Variants in MVP observed in about 807,000 individuals in gnomAD.
The protein encoded by MVP is major vault protein, also known as lung resistance-related protein.
MVP carries 62 observed loss-of-function variants against 83.5 expected under a neutral mutation model. That is an observed-to-expected ratio of 0.74 (90% CI 0.61 to 0.92). MVP has a LOEUF of 0.92. Ranked by LOEUF, MVP falls within the 40% of genes least tolerant of loss-of-function variation. The probability of loss-of-function intolerance (pLI) is 0.00; values close to 1 mark genes in which losing one functional copy is unlikely to be tolerated. For synonymous variants in MVP, 505 were observed against 504.1 expected (o/e 1.00, Z -0.02); for missense variants, 1,000 against 1,203.4 (o/e 0.83, Z 2.50).
chr16:29,831,745 C>T, intron 3 of MVP: 1 of 455,880 alleles, frequency 2.2e-6, no homozygotes, highest in Non-Finnish European at 4.4e-6. Flanking sequence ...GTGGGCAGTG[C>T]CAAAGCAGCA....
Position 29,840,239 on chromosome 16 carries a change from A to T in MVP, c.971A>T (p.Tyr324Phe), listed in dbSNP as rs1260791203. ...EQLEQGIQDV[Y>F]VLSEQQGLLL... The stretch of plus-strand genomic sequence containing the variant: ...CTGGAACAAGGCATCCAGGATGTGT[A>T]TGTGCTGTCGGAGCAGCAGGGGCTG... The change falls in exon 8 of 15, where the codon TAT (tyrosine) becomes TTT (phenylalanine). Residue 324 changes from tyrosine to phenylalanine, a missense_variant. Coordinates refer to ENST00000357402, the MANE Select transcript of MVP (RefSeq NM_005115.5). The T allele has an allele frequency of 6.2e-7, 1 of 1,613,996 alleles. No individual in the cohort carries two copies. Among genetic ancestry groups the T allele is most frequent in the Non-Finnish European group, 8.5e-7 (1 of 1,179,962 alleles).
intron 3 of MVP, chr16:29,833,473 T>G: frequency 4.1e-6 from 1 of 243,000 alleles, no homozygotes; most frequent in Admixed American, 5.2e-5. Flanking sequence ...CTACACTTTT[T>G]TTTTTTTTTT....
Position 29,830,971 on chromosome 16 carries a change from G to A in MVP, c.219G>A (p.Val73=). 6.2e-7 allele frequency: 1 copy of A among 1,614,038 alleles called. No individual in the cohort carries two copies. Among genetic ancestry groups the A allele is most frequent in the Non-Finnish European group, 8.5e-7 (1 of 1,179,998 alleles). Residue 73 remains valine (V), a synonymous_variant, in exon 3 of 15, where the codon GTG becomes GTA. Transcript: ENST00000357402. ...TGTCTCGGGATGCCCAGGGCTTGGT[G>A]CTGTTTGATGTCACAGGGCAAGTTC... ...NPVSRDAQGL[V]LFDVTGQVRL...
At chr16:29,837,417 G>A (rs1029234644) in intron 7 of MVP, among the ~76,000 whole-genome samples, 4 of 152,186 alleles carry the variant, frequency 2.6e-5, no homozygotes, top group African/African-American at 9.7e-5. Flanking sequence ...GCAAGTACTT[G>A]TGTATCTAGC....
chr16:29,831,263 C>A (rs1302630596), intron 3 of MVP, among the ~76,000 whole-genome samples, 190 bp downstream of exon 3: 1 of 152,148 alleles, frequency 6.6e-6, no homozygotes, highest in African/African-American at 2.4e-5. Context: ...AAGTGATTTT[C>A]CTGCCTCAGC....
rs1324315971 is a variant in MVP at position 29,847,726 on chromosome 16, C to T, written c.2455-36C>T. Reference sequence around the variant, plus strand: ...TCACTCTGAAGTGGCCAGGGTTTGACGCCCATCTCAACTTCCTCCTGTTCT... The same window carrying T: ...TCACTCTGAAGTGGCCAGGGTTTGATGCCCATCTCAACTTCCTCCTGTTCT... On this transcript the variant is annotated intron_variant, in intron 14 of 14. Coordinates refer to ENST00000357402, the MANE Select transcript of MVP (RefSeq NM_005115.5). 27 of 1,595,366 alleles carry T rather than the reference C, an allele frequency of 1.7e-5. No individual in the cohort carries two copies. In the African/African-American group the frequency reaches 1.7e-4, roughly 10 times the overall value.
intron 1 of MVP, among the ~76,000 whole-genome samples, chr16:29,824,890 C>T (rs990210895): frequency 2.6e-5 from 4 of 151,748 alleles, no homozygotes; most frequent in South Asian, 2.1e-4. Context: ...GAGTCTGATC[C>T]GGTCTCCCTC....
chr16:29,825,563 G>A (rs1201015038), intron 1 of MVP, among the ~76,000 whole-genome samples: 1 of 152,164 alleles, frequency 6.6e-6, no homozygotes, highest in African/African-American at 2.4e-5. Context: ...CCAGGTTTAG[G>A]GCATGGCAGG....
In MVP at chr16:29,833,866, G is replaced by A. The variant is rs771982441; in HGVS notation, c.445+10G>A. On this transcript the variant is annotated intron_variant, in intron 4 of 14. Coordinates refer to ENST00000357402, the MANE Select transcript of MVP (RefSeq NM_005115.5). The stretch of plus-strand genomic sequence containing the variant: ...CTTTTCGAGGGACCTGGTAAGTTCT[G>A]TCTCCATAGGGCTCCCTGCCTTCCT... 7.7e-5 allele frequency: 124 copies of A among 1,613,986 alleles called. No individual in the cohort carries two copies. The highest frequency in any genetic ancestry group is 3.3e-4 in the Middle Eastern group (2 of 6,084).
At chr16:29,828,589 A>G (rs547436656) in intron 1 of MVP, among the ~76,000 whole-genome samples, 1 of 152,272 alleles carries the variant, frequency 6.6e-6, no homozygotes, top group Admixed American at 6.5e-5. Flanking sequence ...CATGTTGGCC[A>G]GGCTGGTCTC....
At position 29,831,008 on chromosome 16, in the gene MVP, G is replaced by T. The variant is rs754161146; in HGVS notation, c.256G>T (p.Ala86Ser). ...CACAGGGCAAGTTCGGCTTCGCCACGCTGACCTCGAGATCCGGCTGGCCCA... is the reference window on the plus strand; with the variant it reads ...CACAGGGCAAGTTCGGCTTCGCCACTCTGACCTCGAGATCCGGCTGGCCCA... ...DVTGQVRLRH[A>S]DLEIRLAQDP... Residue 86 changes from alanine to serine, a missense_variant, in exon 3 of 15, where the codon GCT (alanine) becomes TCT (serine). Coordinates refer to ENST00000357402, the MANE Select transcript of MVP (RefSeq NM_005115.5). 1.2e-6 allele frequency: 2 copies of T among 1,613,748 alleles called. No individual in the cohort carries two copies. The highest frequency in any genetic ancestry group is 1.1e-5 in the South Asian group (1 of 91,086).
In MVP at chr16:29,820,481, C is replaced by T. The variant is rs569135765; in HGVS notation, c.-65C>T. The T allele has an allele frequency of 2.0e-5, 3 of 147,176 alleles. No homozygotes were observed. The highest frequency in any genetic ancestry group is 5.2e-5 in the African/African-American group (2 of 38,772). 9.1% of individuals were successfully genotyped at this position (147,176 alleles called of 1,614,324 possible). A position where few individuals can be genotyped will look rare whatever the true frequency, so the allele number is the denominator to read the frequency against. On this transcript the variant is annotated 5_prime_UTR_variant, in exon 1 of 15. Coordinates refer to ENST00000357402, the MANE Select transcript of MVP (RefSeq NM_005115.5). ...CAGGGTGAGAGTTCCCCATCTGAGGCGTTTGTTGCAGCTACCTGCACTTCT... is the reference window on the plus strand; with the variant it reads ...CAGGGTGAGAGTTCCCCATCTGAGGTGTTTGTTGCAGCTACCTGCACTTCT...
chr16:29,822,090 T>G (rs2067366448), intron 1 of MVP, among the ~76,000 whole-genome samples: 1 of 151,252 alleles, frequency 6.6e-6, no homozygotes, highest in Non-Finnish European at 1.5e-5. Flanking sequence ...GGGTTTTGTT[T>G]TTTTTTTTTT....
chr16:29,839,651 A>G (rs746128588), intron 7 of MVP, among the ~76,000 whole-genome samples: 18 of 151,458 alleles, frequency 1.2e-4, no homozygotes, highest in Non-Finnish European at 2.5e-4. Context: ...GGGTGTGGTG[A>G]TGCGCATCTG....
At chr16:29,829,447 T>C (rs1284588977) in intron 1 of MVP, among the ~76,000 whole-genome samples, 2 of 101,716 alleles carry the variant, frequency 2.0e-5, no homozygotes, top group Non-Finnish European at 3.6e-5. Flanking sequence ...AGAGTAAGAC[T>C]CCGTCTCAAA....
intron 1 of MVP, among the ~76,000 whole-genome samples, chr16:29,824,230 A>AAC (rs2067389101): frequency 6.7e-6 from 1 of 149,316 alleles, no homozygotes; most frequent in Non-Finnish European, 1.5e-5. Context: ...AAAAAAAAAA[A>AAC]AAAAAAAAAA....
At position 29,845,754 on chromosome 16, in the gene MVP, G is replaced by T; in HGVS notation, c.2022-109G>T. On this transcript the variant is annotated intron_variant, in intron 11 of 14. Transcript: ENST00000357402. ...AGTTGCGTATTGGGTGCCTTCTAGG[G>T]GCTGGGGTCTGTCCTGGGCACCGGT... 2 of 864,586 alleles carry T rather than the reference G, an allele frequency of 2.3e-6. 1 individual carries two copies. The highest frequency in any genetic ancestry group is 5.1e-5 in the Admixed American group (2 of 39,358). 53.6% of individuals were successfully genotyped at this position (864,586 alleles called of 1,614,324 possible).
At chr16:29,846,825 C>T (rs930238734) in intron 13 of MVP, among the ~76,000 whole-genome samples, 5 of 151,986 alleles carry the variant, frequency 3.3e-5, no homozygotes, top group Admixed American at 3.3e-4. Context: ...TGTGCCACTA[C>T]ACTCCAGCCT....
chr16:29,831,937 T>C (rs1011596353), intron 3 of MVP, among the ~76,000 whole-genome samples: 2 of 151,800 alleles, frequency 1.3e-5, no homozygotes, highest in African/African-American at 4.9e-5. Flanking sequence ...TTTTGGGTTT[T>C]TTGTTTGTTT....
Sources: gnomAD v4.1 joint callset for allele counts (sites outside exome capture counted in the v4.1 genomes callset) on GRCh38, gnomAD v4.1.1 for gene constraint, MANE v1.5 for transcripts, NCBI Gene and HGNC (gene_info 2026-07-23, HGNC 2026-07-21) for gene names.